PIP5K1B: variants seen among roughly 807,000 people sequenced by gnomAD.
PIP5K1B encodes the protein phosphatidylinositol 4-phosphate 5-kinase type-1 beta.
A neutral mutation model predicts 67.0 loss-of-function variants in PIP5K1B; 42 were observed. That is an observed-to-expected ratio of 0.63 (90% CI 0.49 to 0.81). PIP5K1B has a LOEUF of 0.81. Among genes scored for constraint, PIP5K1B ranks in the 30% least tolerant of loss-of-function variants. PIP5K1B has a pLI of 0.00. For missense variants in PIP5K1B, 459 were observed against 646.3 expected, an observed-to-expected ratio of 0.71 and a Z score of 3.14; for synonymous variants, 214 against 231.4, an observed-to-expected ratio of 0.92 and a Z score of 0.68.
At chr9:68,830,723 T>A in intron 4 of PIP5K1B, among the ~76,000 whole-genome samples, 1 of 152,194 alleles carries the variant, frequency 6.6e-6, no homozygotes, top group East Asian at 1.9e-4. Flanking sequence ...GAGTTTGGTG[T>A]GAATGGCAGG....
At chr9:68,716,863 G>A (rs1475141151) in intron 1 of PIP5K1B, among the ~76,000 whole-genome samples, 3 of 152,176 alleles carry the variant, frequency 2.0e-5, no homozygotes, top group Admixed American at 6.5e-5. Flanking sequence ...TGATGGATTG[G>A]ATGAAGAAAA....
chr9:68,858,098 T>C (rs1298910736), intron 4 of PIP5K1B, among the ~76,000 whole-genome samples: 1 of 151,986 alleles, frequency 6.6e-6, no homozygotes, highest in African/African-American at 2.4e-5. Context: ...CTCAGCCTCC[T>C]GAGTAGCTGG....
At chr9:68,735,722 A>G (rs1828706879) in intron 1 of PIP5K1B, among the ~76,000 whole-genome samples, 1 of 152,200 alleles carries the variant, frequency 6.6e-6, no homozygotes, top group Non-Finnish European at 1.5e-5. Flanking sequence ...ACAATAATAC[A>G]TGCTTTGGAG....
At chr9:68,781,705 T>G (rs999620704) in intron 2 of PIP5K1B, 4 of 166,650 alleles carry the variant, frequency 2.4e-5, no homozygotes, top group African/African-American at 9.7e-5. Context: ...TTCTAGTCAG[T>G]CATACAACTA....
At chr9:68,846,650 T>C (rs539849077) in intron 4 of PIP5K1B, among the ~76,000 whole-genome samples, 1 of 152,346 alleles carries the variant, frequency 6.6e-6, no homozygotes, top group Admixed American at 6.5e-5. Context: ...CTATGTATGA[T>C]TCCATCTCAT....
intron 8 of PIP5K1B, among the ~76,000 whole-genome samples, chr9:68,909,495 A>C (rs923120664): frequency 3.3e-5 from 5 of 152,196 alleles, no homozygotes; most frequent in South Asian, 2.1e-4. Context: ...TCAAATTTCT[A>C]ATTGTTTCAG....
chr9:68,791,197 G>A (rs549865693), intron 2 of PIP5K1B, among the ~76,000 whole-genome samples: 8 of 152,310 alleles, frequency 5.3e-5, no homozygotes, highest in African/African-American at 1.9e-4. Context: ...GGTTGTTTGA[G>A]GTAATCGCTC....
chr9:68,981,365 AG>A (rs1483609137), intron 14 of PIP5K1B, among the ~76,000 whole-genome samples: 1 of 151,844 alleles, frequency 6.6e-6, no homozygotes, highest in Non-Finnish European at 1.5e-5. Flanking sequence ...ATGCTACCTT[AG>A]GTTAAGAATC....
Position 68,917,755 on chromosome 9 carries a change from G to A in PIP5K1B, c.979G>A (p.Asp327Asn). The change falls in exon 9 of 16, where the codon GAC becomes AAC. Residue 327 changes from aspartate to asparagine, a missense_variant. Physicochemically the swap from Asp to Asn is conservative, Grantham distance 23. Around this residue, in one of 2 missense-constraint regions of PIP5K1B, gnomAD observed 290 missense variants for 474.4 expected, o/e 0.61. Transcript: ENST00000265382. ...AGATGGGATAATCACAGAGAACCCA[G>A]ACACGTAAGTGCAGCCACACACCTA... ...SGDGIITENP[D>N]TMGGIPAKSH... The A allele has an allele frequency of 1.2e-6, 2 of 1,612,650 alleles. No homozygotes were observed. Among genetic ancestry groups the A allele is most frequent in the East Asian group, 2.2e-5 (1 of 44,872 alleles).
At chr9:68,925,317 A>AGG in intron 12 of PIP5K1B, among the ~76,000 whole-genome samples, 1 of 152,030 alleles carries the variant, frequency 6.6e-6, no homozygotes, top group Non-Finnish European at 1.5e-5. Context: ...GTAACTGCGC[A>AGG]GATAGATTGT....
chr9:68,780,923 T>A (rs1831230205), intron 2 of PIP5K1B: 5 of 1,613,974 alleles, frequency 3.1e-6, no homozygotes, highest in African/African-American at 1.3e-5. Flanking sequence ...GTGCCGGATC[T>A]TCTTGTAACT....
At chr9:68,940,063 C>T (rs1041451727) in intron 13 of PIP5K1B, among the ~76,000 whole-genome samples, 2 of 152,134 alleles carry the variant, frequency 1.3e-5, no homozygotes, top group African/African-American at 4.8e-5. Context: ...AGTGTTTTCT[C>T]ATTTTTAAAA....
At chr9:68,775,806 T>C (rs1830889077) in intron 2 of PIP5K1B, among the ~76,000 whole-genome samples, 2 of 152,236 alleles carry the variant, frequency 1.3e-5, no homozygotes, top group African/African-American at 4.8e-5. Flanking sequence ...TGTATTCTTT[T>C]GTACTTAATT....
intron 14 of PIP5K1B, among the ~76,000 whole-genome samples, chr9:68,983,685 A>G (rs1213244727): frequency 2.0e-5 from 3 of 152,212 alleles, no homozygotes; most frequent in African/African-American, 7.2e-5. Context: ...CTGTAATGGC[A>G]GTGCATTACA....
chr9:68,755,798 C>T (rs189993179), intron 2 of PIP5K1B, among the ~76,000 whole-genome samples: 19 of 152,212 alleles, frequency 1.2e-4, no homozygotes, highest in Admixed American at 5.2e-4. Flanking sequence ...TGGGTGGAGC[C>T]GGAGGATGAA....
intron 1 of PIP5K1B, among the ~76,000 whole-genome samples, chr9:68,731,882 T>C (rs1828450241): frequency 6.6e-6 from 1 of 152,238 alleles, no homozygotes; most frequent in Non-Finnish European, 1.5e-5. Flanking sequence ...TTTTGAAAAC[T>C]GCCTATTGTT....
intron 3 of PIP5K1B, 143 bp from the exon 4 acceptor site, chr9:68,822,472 G>A (rs906657811): frequency 2.3e-5 from 13 of 561,678 alleles, no homozygotes; most frequent in Non-Finnish European, 3.8e-5. Context: ...ATTCTGAAAT[G>A]TTTCTGTCTT....
In PIP5K1B at chr9:68,848,360, T is replaced by C. The variant is rs191276886; in HGVS notation, c.70-15477T>C. Among the ~76,000 whole-genome samples the C allele has an allele frequency of 3.9e-5, 6 of 152,296 alleles. No individual in the cohort carries two copies. In the East Asian group the frequency reaches 1.2e-3, roughly 29 times the overall value. ...TTTCTGGCCCTACAGTGTAAGACTT[T>C]AAAAGACATAGGTAGGCAGGCACAA... On this transcript the variant is annotated intron_variant, in intron 4 of 15. Coordinates refer to ENST00000265382, the MANE Select transcript of PIP5K1B (RefSeq NM_003558.4).
intron 1 of PIP5K1B, among the ~76,000 whole-genome samples, chr9:68,722,462 G>A (rs574706313): frequency 8.5e-4 from 129 of 152,000 alleles, no homozygotes; most frequent in African/African-American, 2.8e-3. Context: ...TGTTCCGCCC[G>A]CCTCGGCCTC....
Sources: gnomAD v4.1 joint callset for allele counts (sites outside exome capture counted in the v4.1 genomes callset) on GRCh38, gnomAD v4.1.1 for gene constraint, gnomAD v4.1.1 regional missense constraint, MANE v1.5 for transcripts, NCBI Gene and HGNC (gene_info 2026-07-23, HGNC 2026-07-21) for gene names.